The following IQGAP1 variants were observed in gnomAD, a reference collection of about 807,000 sequenced individuals.
IQGAP1 encodes the protein IQ motif containing GTPase activating protein 1, also known as ras GTPase-activating-like protein IQGAP1.
Under a neutral mutation model 215.6 loss-of-function variants are expected in IQGAP1, and 66 were observed. The observed-to-expected ratio is 0.31, with a 90% CI of 0.25 to 0.38. IQGAP1 has a LOEUF of 0.38. IQGAP1 is among the 10% of genes least tolerant of loss of function. The pLI is 1.00. For synonymous variants in IQGAP1, 772 were observed against 728.7 expected, an observed-to-expected ratio of 1.06 and a Z score of -0.96; for missense variants, 1,712 against 1,997.1, an observed-to-expected ratio of 0.86 and a Z score of 2.72.
chr15:90,404,882 T>C (rs1964856383), intron 2 of IQGAP1, among the ~76,000 whole-genome samples: 1 of 152,220 alleles, frequency 6.6e-6, no homozygotes, highest in Non-Finnish European at 1.5e-5. Context: ...CACCTGGCCA[T>C]TGTCCTTTAA....
At position 90,456,139 on chromosome 15, in the gene IQGAP1, T is replaced by A; in HGVS notation, c.1613-13T>A. The A allele has an allele frequency of 6.2e-7, 1 of 1,604,712 alleles. No homozygotes were observed. Among genetic ancestry groups the A allele is most frequent in the South Asian group, 1.1e-5 (1 of 89,690 alleles). On this transcript the variant is annotated splice_polypyrimidine_tract_variant and intron_variant, in intron 14 of 37. Transcript: ENST00000268182. ...AATTAGAAAAAAAAAACTTTCTGTC[T>A]CTTTATATTTAGGGATTTTAGCCAT...
At chr15:90,393,472 G>A (rs2601192) in intron 2 of IQGAP1, 85,858 of 151,464 alleles carry the variant, frequency 0.57, 25,894 homozygotes, top group East Asian at 0.82. Flanking sequence ...TTTTCTGACT[G>A]TTTTTGATCC....
intron 2 of IQGAP1, among the ~76,000 whole-genome samples, chr15:90,399,933 T>C (rs1224983669): frequency 6.6e-6 from 1 of 152,216 alleles, no homozygotes; most frequent in Non-Finnish European, 1.5e-5. Context: ...GAGAAAAATA[T>C]ATATGACTTT....
chr15:90,423,088 T>G (rs1371546999), intron 2 of IQGAP1, among the ~76,000 whole-genome samples: 1 of 145,648 alleles, frequency 6.9e-6, no homozygotes, highest in Non-Finnish European at 1.5e-5. Flanking sequence ...ATTCTGTGAT[T>G]TAGTAGAAGA....
At chr15:90,493,239 GA>G (rs4031436) in intron 35 of IQGAP1, among the ~76,000 whole-genome samples, 51 of 144,754 alleles carry the variant, frequency 3.5e-4, no homozygotes, top group Middle Eastern at 3.6e-3. Flanking sequence ...CAAGACTCTG[GA>G]AAAAAAAAAA....
rs543909799 is a variant in IQGAP1 at position 90,479,143 on chromosome 15, G to A, written c.3329+1254G>A. On this transcript the variant is annotated intron_variant, in intron 26 of 37. Transcript: ENST00000268182. ...TCTGGGCATAGGTGGAGTAGCAGCTGTCCACACCATTGCTATTCAAAGTGT... is the reference window on the plus strand; with the variant it reads ...TCTGGGCATAGGTGGAGTAGCAGCTATCCACACCATTGCTATTCAAAGTGT... Among the ~76,000 whole-genome samples the A allele has an allele frequency of 3.9e-5, 6 of 152,258 alleles. No homozygotes were observed. The South Asian group carries it at 1.0e-3, about 26-fold the overall frequency.
chr15:90,407,240 G>A (rs1964892514), intron 2 of IQGAP1, among the ~76,000 whole-genome samples: 1 of 152,074 alleles, frequency 6.6e-6, no homozygotes, highest in Non-Finnish European at 1.5e-5. Context: ...GATGATAAAG[G>A]GTCTACCAAT....
intron 8 of IQGAP1, among the ~76,000 whole-genome samples, chr15:90,443,148 A>T (rs113836798): frequency 1.3e-5 from 2 of 152,238 alleles, no homozygotes; most frequent in African/African-American, 4.8e-5. Context: ...TTTTGTAGAG[A>T]TGGGGTCTCG....
chr15:90,411,333 C>T (rs535561575), intron 2 of IQGAP1, among the ~76,000 whole-genome samples: 2 of 151,890 alleles, frequency 1.3e-5, no homozygotes, highest in South Asian at 2.1e-4. Flanking sequence ...GGCTGGAATG[C>T]AGTGGTGTGA....
At chr15:90,464,797 A>T (rs376066162) in intron 15 of IQGAP1, among the ~76,000 whole-genome samples, 1 of 151,790 alleles carries the variant, frequency 6.6e-6, no homozygotes, top group South Asian at 2.1e-4. Context: ...GCTTGCAGTG[A>T]GCCGAGATCA....
intron 6 of IQGAP1, 136 bp from the exon 7 acceptor site, chr15:90,440,366 G>T: frequency 1.6e-6 from 1 of 611,894 alleles, no homozygotes; most frequent in Non-Finnish European, 2.9e-6. Context: ...TCCATACATT[G>T]TATCTTTATA....
chr15:90,389,929 G>A (rs1042108064), intron 1 of IQGAP1, among the ~76,000 whole-genome samples: 1 of 148,828 alleles, frequency 6.7e-6, no homozygotes, highest in African/African-American at 2.5e-5. Context: ...CACTCGAGCC[G>A]GAGTGACAGA....
At chr15:90,463,840 G>C (rs565526977) in intron 15 of IQGAP1, among the ~76,000 whole-genome samples, 3 of 152,134 alleles carry the variant, frequency 2.0e-5, no homozygotes, top group South Asian at 2.1e-4. Context: ...TTCAATTTCA[G>C]ATGCTTTCCT....
intron 15 of IQGAP1, 51 bp from the exon 16 acceptor site, chr15:90,465,950 A>T: frequency 7.1e-7 from 1 of 1,404,606 alleles, no homozygotes; most frequent in Non-Finnish European, 1.0e-6. Flanking sequence ...CATGTATGTT[A>T]CATGTACCCT....
At chr15:90,394,252 T>G (rs1283223842) in intron 2 of IQGAP1, among the ~76,000 whole-genome samples, 2 of 150,284 alleles carry the variant, frequency 1.3e-5, no homozygotes, top group African/African-American at 4.9e-5. Flanking sequence ...ACCCTGCCCA[T>G]TGGCCTGGCA....
intron 2 of IQGAP1, among the ~76,000 whole-genome samples, chr15:90,399,180 T>A (rs1964771109): frequency 6.6e-6 from 1 of 151,956 alleles, no homozygotes; most frequent in African/African-American, 2.4e-5. Context: ...CAGGCTGGTC[T>A]TCATCTCCTG....
chr15:90,465,334 C>T (rs1369732449), intron 15 of IQGAP1, among the ~76,000 whole-genome samples: 2 of 152,204 alleles, frequency 1.3e-5, no homozygotes, highest in Non-Finnish European at 2.9e-5. Flanking sequence ...CAAATAAGTA[C>T]TGCATATTCA....
At chr15:90,404,935 A>C (rs1266371494) in intron 2 of IQGAP1, among the ~76,000 whole-genome samples, 5 of 152,176 alleles carry the variant, frequency 3.3e-5, no homozygotes, top group African/African-American at 1.2e-4. Flanking sequence ...AACATATTTG[A>C]ACTTACTAAT....
At chr15:90,433,177 T>C (rs1436609695) in intron 4 of IQGAP1, among the ~76,000 whole-genome samples, 1 of 152,252 alleles carries the variant, frequency 6.6e-6, no homozygotes, top group Admixed American at 6.5e-5. Context: ...AGCTACTTCA[T>C]CTGTGTAGCT....
Sources: gnomAD v4.1 joint callset for allele counts (sites outside exome capture counted in the v4.1 genomes callset) on GRCh38, gnomAD v4.1.1 for gene constraint, MANE v1.5 for transcripts, NCBI Gene and HGNC (gene_info 2026-07-23, HGNC 2026-07-21) for gene names.